NFE2: variants seen among roughly 807,000 people sequenced by gnomAD.
NFE2 encodes the protein nuclear factor, erythroid 2, also known as transcription factor NF-E2 45 kDa subunit.
In NFE2, 13 loss-of-function variants were observed where a neutral mutation model predicts 25.8. That is an observed-to-expected ratio of 0.50 (90% CI 0.33 to 0.80). The LOEUF (loss-of-function observed/expected upper bound fraction) is 0.80, where lower values mean the gene tolerates loss of function less well. Among genes scored for constraint, NFE2 ranks in the 30% least tolerant of loss-of-function variants. The pLI, the probability that NFE2 is intolerant of heterozygous loss-of-function variation, is 0.02. For synonymous variants in NFE2, 204 were observed against 200.2 expected, an observed-to-expected ratio of 1.02 and a Z score of -0.16; for missense variants, 382 against 478.9, an observed-to-expected ratio of 0.80 and a Z score of 1.89.
At chr12:54,295,567 C>G (rs1944365133) in intron 1 of NFE2, 1 of 259,932 alleles carries the variant, frequency 3.8e-6, no homozygotes, top group South Asian at 4.8e-5. Context: ...AAAATGCCCA[C>G]TCTTTTCCCT....
In NFE2 at chr12:54,292,578, C is replaced by T. The variant is rs747328842; in HGVS notation, c.918G>A (p.Glu306=). Residue 306 remains glutamate, a synonymous_variant, in exon 3 of 3, where the codon GAG becomes GAA. Transcript: ENST00000435572. ...RELERLTNER[E]RLLRARGEAD... ...CCTCCCCGCGGGCCCTGAGAAGCCG[C>T]TCCCGTTCATTGGTCAGCCGCTCCA... is the stretch of plus-strand genomic sequence containing the variant. The T allele has an allele frequency of 1.1e-5, 17 of 1,614,098 alleles. No homozygotes were observed. The South Asian group carries it at 1.8e-4, about 17-fold the overall frequency.
chr12:54,292,395 G>A lies in NFE2; in HGVS notation c.1101C>T (p.Thr367=), dbSNP rs769619432. ...CAGCTCAGTCTGTGGCCTCCATCTT[G>A]GTCCCCCGGGGCACAAGGAAGATGG... ...DGTIFLVPRG[T]KMEATD Residue 367 remains threonine (T), a synonymous_variant, in exon 3 of 3, where the codon ACC becomes ACT. Coordinates refer to ENST00000435572, the MANE Select transcript of NFE2 (RefSeq NM_001136023.3). 1.6e-5 allele frequency: 26 copies of A among 1,613,676 alleles called. No homozygotes were observed. Among genetic ancestry groups the A allele is most frequent in the Non-Finnish European group, 2.2e-5 (26 of 1,179,768 alleles).
chr12:54,293,472 G>T, intron 2 of NFE2, 91 bp from the exon 3 acceptor site: 1 of 1,331,632 alleles, frequency 7.5e-7, no homozygotes, highest in Non-Finnish European at 9.9e-7. Flanking sequence ...TCTGAAAGTC[G>T]CAGTGAGGTA....
At chr12:54,298,387 A>ATCC (rs1944392753) in intron 1 of NFE2, among the ~76,000 whole-genome samples, 1 of 151,826 alleles carries the variant, frequency 6.6e-6, no homozygotes, top group African/African-American at 2.4e-5. Context: ...CATGCCTGTA[A>ATCC]TCCCAGCTAC....
Position 54,293,157 on chromosome 12 carries a change from T to C in NFE2, c.339A>G (p.Ser113=). ...CTTGGAGCGGCTCACTGAGCAGGCCTGAGAGGCTCAGTGGCTTGGAGACTG... is the reference window on the plus strand; with the variant it reads ...CTTGGAGCGGCTCACTGAGCAGGCCCGAGAGGCTCAGTGGCTTGGAGACTG... ...AIPVSKPLSL[S]GLLSEPLQDP... is the part of the protein sequence containing the mutation. Residue 113 remains serine, a synonymous_variant, in exon 3 of 3, where the codon TCA becomes TCG. Transcript: ENST00000435572. The C allele has an allele frequency of 6.4e-7, 1 of 1,553,552 alleles. No homozygotes were observed. Among genetic ancestry groups the C allele is most frequent in the Non-Finnish European group, 8.7e-7 (1 of 1,147,288 alleles).
intron 2 of NFE2, among the ~76,000 whole-genome samples, chr12:54,293,702 A>G (rs1347304936): frequency 6.6e-6 from 1 of 152,144 alleles, no homozygotes; most frequent in Non-Finnish European, 1.5e-5. Context: ...TACAAAAATT[A>G]GCTGGGCATG....
At position 54,292,966 on chromosome 12, in the gene NFE2, G is replaced by A; in HGVS notation, c.530C>T (p.Pro177Leu). The A allele has an allele frequency of 1.3e-6, 2 of 1,571,872 alleles. No individual in the cohort carries two copies. The highest frequency in any genetic ancestry group is 1.4e-5 in the African/African-American group (1 of 73,942). Residue 177 changes from proline to leucine, a missense_variant, in exon 3 of 3, where the codon CCA becomes CTA. Transcript: ENST00000435572. Reference sequence around the variant, plus strand: ...CATGAGTGAGTAGGGGTACTCCACTGGGTACATCTCTACATATTCGCTGCG... The same window carrying A: ...CATGAGTGAGTAGGGGTACTCCACTAGGTACATCTCTACATATTCGCTGCG... The part of the protein sequence containing the change: ...RRRSEYVEMY[P>L]VEYPYSLMPN...
chr12:54,298,362 C>A (rs1042101906), intron 1 of NFE2, among the ~76,000 whole-genome samples: 1 of 151,860 alleles, frequency 6.6e-6, no homozygotes, highest in Non-Finnish European at 1.5e-5. Flanking sequence ...ACAAAATTAG[C>A]CGGGCATGGT....
In NFE2 at chr12:54,293,136, G is replaced by A. The variant is rs1175679208; in HGVS notation, c.360C>T (p.Leu120=). The A allele has an allele frequency of 6.5e-7, 1 of 1,531,570 alleles. No individual in the cohort carries two copies. The highest frequency in any genetic ancestry group is 1.3e-5 in the South Asian group (1 of 78,628). 94.9% of individuals were successfully genotyped at this position (1,531,570 alleles called of 1,614,324 possible). The part of the protein sequence containing the change: ...LSLSGLLSEP[L]QDPLALLDIG... ...TGTCCAGGAGGGCTAAGGGGTCTTG[G>A]AGCGGCTCACTGAGCAGGCCTGAGA... Residue 120 remains leucine (L), a synonymous_variant, in exon 3 of 3, where the codon CTC becomes CTT. Transcript: ENST00000435572.
At chr12:54,296,881 AT>A (rs1435582527) in intron 1 of NFE2, among the ~76,000 whole-genome samples, 1 of 151,992 alleles carries the variant, frequency 6.6e-6, no homozygotes, top group Non-Finnish European at 1.5e-5. Context: ...CCGTGTCTTT[AT>A]CTTCTTCTGT....
At chr12:54,294,795 G>A (rs773141163) in intron 2 of NFE2, among the ~76,000 whole-genome samples, 1 of 152,192 alleles carries the variant, frequency 6.6e-6, no homozygotes, top group Non-Finnish European at 1.5e-5. Context: ...GAGGTAATGA[G>A]GGAAGAAGAT....
At chr12:54,299,340 C>G (rs933618842) in intron 1 of NFE2, among the ~76,000 whole-genome samples, 1 of 152,108 alleles carries the variant, frequency 6.6e-6, no homozygotes, top group Non-Finnish European at 1.5e-5. Context: ...AATAGAACAC[C>G]ATAGAGGGTA....
intron 1 of NFE2, among the ~76,000 whole-genome samples, chr12:54,299,050 C>CAAA (rs78513468): frequency 8.3e-6 from 1 of 119,930 alleles, no homozygotes; most frequent in African/African-American, 3.1e-5. Flanking sequence ...GACTCTGTCT[C>CAAA]AAAAAAAAAA....
At position 54,292,481 on chromosome 12, in the gene NFE2, C is replaced by T; in HGVS notation, c.1015G>A (p.Asp339Asn). 2 of 1,614,184 alleles carry T rather than the reference C, an allele frequency of 1.2e-6. No homozygotes were observed. Among genetic ancestry groups the T allele is most frequent in the Non-Finnish European group, 1.7e-6 (2 of 1,180,032 alleles). The change falls in exon 3 of 3, where the codon GAT becomes AAT. Residue 339 changes from aspartate to asparagine, a missense_variant. By Grantham distance (23) the Asp-to-Asn change is conservative (BLOSUM62 1). Transcript: ENST00000435572. ...GGAGAGTAGCTGTTGCCTGATTCAT[C>T]CCGAAGGTGCTGGAAAATGTCACGG... Reference protein sequence around the residue: ...LYRDIFQHLRDESGNSYSPEE... With the variant: ...LYRDIFQHLRNESGNSYSPEE...
chr12:54,296,131 G>A (rs1387700948), intron 1 of NFE2, among the ~76,000 whole-genome samples: 1 of 152,194 alleles, frequency 6.6e-6, no homozygotes, highest in Non-Finnish European at 1.5e-5. Context: ...TTTTCATCGG[G>A]CGCGGTGGCT....
intron 1 of NFE2, among the ~76,000 whole-genome samples, chr12:54,299,983 A>G (rs529781589): frequency 6.6e-6 from 1 of 152,306 alleles, no homozygotes; most frequent in East Asian, 1.9e-4. Flanking sequence ...AGATTTAAGC[A>G]TAGTGAGCTC....
Position 54,293,206 on chromosome 12 carries a change from T to C in NFE2, c.290A>G (p.Tyr97Cys). 2 of 1,595,176 alleles carry C rather than the reference T, an allele frequency of 1.3e-6. No homozygotes were observed. Among genetic ancestry groups the C allele is most frequent in the Non-Finnish European group, 1.7e-6 (2 of 1,170,690 alleles). ...ASTSHVPDPP[Y>C]SYGNMAIPVS... ...TGGTATGGCCATGTTGCCATAGGAG[T>C]ATGGGGGATCTGGGACATGGGATGT... is the stretch of plus-strand genomic sequence containing the variant. Residue 97 changes from tyrosine (Y) to cysteine (C), a missense_variant, in exon 3 of 3, where the codon TAC becomes TGC. By Grantham distance (194) the Tyr-to-Cys change is radical (BLOSUM62 -2). Transcript: ENST00000435572.
intron 1 of NFE2, among the ~76,000 whole-genome samples, chr12:54,297,356 C>CAAAAAAAAAAAAAAAAA (rs35611028): frequency 6.0e-5 from 3 of 50,012 alleles, no homozygotes; most frequent in African/African-American, 2.7e-4. Context: ...GACCCTGTCT[C>CAAAAAAAAAAAAAAAAA]AAAAAAAAAA....
chr12:54,299,806 C>A (rs1944406596), intron 1 of NFE2, among the ~76,000 whole-genome samples: 1 of 151,944 alleles, frequency 6.6e-6, no homozygotes, highest in South Asian at 2.1e-4. Context: ...GACCACCTCA[C>A]CTCTCCAGGT....
Sources: allele counts gnomAD v4.1 joint callset (sites outside exome capture counted in the v4.1 genomes callset), GRCh38; gene constraint gnomAD v4.1.1; transcripts MANE v1.5; gene names NCBI Gene and HGNC (gene_info 2026-07-23, HGNC 2026-07-21).